TRAF2: variants seen among roughly 807,000 people sequenced by gnomAD.
The protein encoded by TRAF2 is TNF receptor-associated factor 2.
A neutral mutation model predicts 55.6 loss-of-function variants in TRAF2; 6 were observed. The observed-to-expected ratio is 0.11, with a 90% CI of 0.06 to 0.21. The LOEUF (loss-of-function observed/expected upper bound fraction) is 0.21, where lower values mean the gene tolerates loss of function less well. TRAF2 is among the 10% of genes least tolerant of loss of function. The pLI, the probability that TRAF2 is intolerant of heterozygous loss-of-function variation, is 1.00. For missense variants in TRAF2, 561 were observed against 684.5 expected, an observed-to-expected ratio of 0.82 and a Z score of 2.01; for synonymous variants, 329 against 276.3, an observed-to-expected ratio of 1.19 and a Z score of -1.89.
Position 136,920,376 on chromosome 9 carries a change from G to T in TRAF2, c.821G>T (p.Ser274Ile), listed in dbSNP as rs779418735. 11 of 1,614,052 alleles carry T rather than the reference G, an allele frequency of 6.8e-6. No homozygotes were observed. The highest frequency in any genetic ancestry group is 1.3e-5 in the African/African-American group (1 of 74,946). Residue 274 changes from serine to isoleucine, a missense_variant, in exon 8 of 11, where the codon AGC (serine) becomes ATC (isoleucine). Ser to Ile is a moderately radical substitution (Grantham distance 142). Transcript: ENST00000247668. ...TCAGAGCTCCTGCAGAGGTGCGAGA[G>T]CCTGGAGAAGAAGACGGCCACTTTT... ...AGSELLQRCE[S>I]LEKKTATFEN...
chr9:136,924,780 C>T (rs961719487), intron 10 of TRAF2, among the ~76,000 whole-genome samples: 4 of 152,038 alleles, frequency 2.6e-5, no homozygotes, highest in South Asian at 4.1e-4. Context: ...TGCTCTGTCG[C>T]CCAGGCTGGA....
intron 9 of TRAF2, 135 bp from the exon 10 acceptor site, chr9:136,923,717 C>T (rs1261704072): frequency 8.8e-6 from 7 of 799,340 alleles, no homozygotes; most frequent in Non-Finnish European, 1.3e-5. Context: ...GGAAAAAAAA[C>T]TTTTCTTTGC....
intron 1 of TRAF2, 99 bp from the exon 2 acceptor site, chr9:136,898,614 G>C (rs563863360): frequency 6.6e-7 from 1 of 1,517,666 alleles, no homozygotes; most frequent in East Asian, 2.4e-5. Flanking sequence ...GTGGGGACCC[G>C]GCCCCTCACC....
chr9:136,918,252 TATATATTTATTTAA>T (rs200297510), intron 7 of TRAF2, among the ~76,000 whole-genome samples: 2,308 of 47,610 alleles, frequency 0.048, 55 homozygotes, highest in African/African-American at 0.18. Context: ...TATATATATA[TATATATTTATTTAA>T]TTAATTAATT....
Position 136,890,851 on chromosome 9 carries a change from C to T in TRAF2, c.-29+4310C>T, listed in dbSNP as rs558744115. Among the ~76,000 whole-genome samples, 5 of 152,268 alleles carry T rather than the reference C, an allele frequency of 3.3e-5. 1 individual carries two copies. In the South Asian group the frequency reaches 1.0e-3, roughly 32 times the overall value. On this transcript the variant is annotated intron_variant, in intron 1 of 10. Transcript: ENST00000247668. ...GAATAATGATCCCCGACCTTCCAGC[C>T]GTGTCAGGATGTCACGATGGCCACG...
chr9:136,925,573 G>A (rs1432506834), intron 10 of TRAF2, 110 bp from the exon 11 acceptor site: 3 of 1,141,392 alleles, frequency 2.6e-6, no homozygotes, highest in African/African-American at 1.5e-5. Context: ...CCTCTGGCCT[G>A]GGTCCTGGGA....
At chr9:136,916,426 A>T in intron 6 of TRAF2, 115 bp from the exon 7 acceptor site, 1 of 1,023,284 alleles carries the variant, frequency 9.8e-7, no homozygotes, top group Non-Finnish European at 1.5e-6. Flanking sequence ...TGTGAGAGTG[A>T]AGAGGCCAAC....
chr9:136,898,671 G>C, intron 1 of TRAF2, 42 bp from the exon 2 acceptor site: 1 of 1,604,700 alleles, frequency 6.2e-7, no homozygotes, highest in Non-Finnish European at 8.5e-7. Context: ...CTCGAGGACT[G>C]TTCTGGAATT....
intron 6 of TRAF2, among the ~76,000 whole-genome samples, chr9:136,915,196 A>G (rs1850212192): frequency 6.6e-6 from 1 of 152,152 alleles, no homozygotes; most frequent in East Asian, 1.9e-4. Context: ...AAGTTTTGTA[A>G]TTTTGTAAAA....
chr9:136,910,832 C>G (rs1203916649), intron 6 of TRAF2, among the ~76,000 whole-genome samples: 1 of 152,252 alleles, frequency 6.6e-6, no homozygotes, highest in Admixed American at 6.5e-5. Context: ...ACAGGGCTGT[C>G]TCCTCACCTC....
chr9:136,885,061 C>T (rs1849419924), upstream of TRAF2, among the ~76,000 whole-genome samples: 1 of 152,216 alleles, frequency 6.6e-6, no homozygotes. Context: ...TGATGGAATC[C>T]GATGGCTTCC....
chr9:136,906,594 G>A (rs1341160508), intron 4 of TRAF2, among the ~76,000 whole-genome samples: 1 of 152,116 alleles, frequency 6.6e-6, no homozygotes, highest in Admixed American at 6.6e-5. Context: ...ATGAGATTTG[G>A]GTGGGGACAC....
At chr9:136,890,648 G>A (rs1427112918) in intron 1 of TRAF2, 1 of 152,198 alleles carries the variant, frequency 6.6e-6, no homozygotes, top group East Asian at 1.9e-4. Context: ...CCTTCGTGGT[G>A]GTTTTCATTA....
chr9:136,891,751 C>T (rs558597538), intron 1 of TRAF2, among the ~76,000 whole-genome samples: 3 of 149,078 alleles, frequency 2.0e-5, no homozygotes, highest in South Asian at 2.1e-4. Context: ...GACGAAGTTT[C>T]GCTCTTTGTG....
At chr9:136,911,264 C>CTTTTTTTTT (rs34077067) in intron 6 of TRAF2, among the ~76,000 whole-genome samples, 27 of 122,534 alleles carry the variant, frequency 2.2e-4, no homozygotes, top group African/African-American at 6.6e-4. Flanking sequence ...TCCTTCCCGT[C>CTTTTTTTTT]TTTTTTTTTT....
At chr9:136,904,354 C>T (rs1211683622) in intron 4 of TRAF2, among the ~76,000 whole-genome samples, 2 of 152,038 alleles carry the variant, frequency 1.3e-5, no homozygotes, top group Non-Finnish European at 2.9e-5. Context: ...CAGGTGGGAA[C>T]CCACTGTGCC....
chr9:136,920,717 C>CT (rs1850364594), intron 8 of TRAF2, among the ~76,000 whole-genome samples: 1 of 152,216 alleles, frequency 6.6e-6, no homozygotes, highest in Non-Finnish European at 1.5e-5. Flanking sequence ...GGCCCAAACC[C>CT]TGGAAGGTCC....
intron 9 of TRAF2, chr9:136,922,431 G>C (rs1345523430): frequency 6.6e-6 from 1 of 152,522 alleles, no homozygotes; most frequent in Non-Finnish European, 1.5e-5. Flanking sequence ...CTAAGCGTTG[G>C]GTGAAGGGTC....
At chr9:136,902,581 C>T (rs1349446381) in intron 4 of TRAF2, among the ~76,000 whole-genome samples, 1 of 152,202 alleles carries the variant, frequency 6.6e-6, no homozygotes, top group Admixed American at 6.5e-5. Context: ...AAGTCCCTGG[C>T]TGCACCTTTG....
Sources: gnomAD v4.1 joint callset for allele counts (sites outside exome capture counted in the v4.1 genomes callset) on GRCh38, gnomAD v4.1.1 for gene constraint, MANE v1.5 for transcripts, NCBI Gene and HGNC (gene_info 2026-07-23, HGNC 2026-07-21) for gene names.